The following PDE4D variants were observed in gnomAD, a reference collection of about 807,000 sequenced individuals.
The protein encoded by PDE4D is 3',5'-cyclic-AMP phosphodiesterase 4D.
Under a neutral mutation model 87.4 loss-of-function variants are expected in PDE4D, and 24 were observed. That is an observed-to-expected ratio of 0.27 (90% confidence interval 0.20 to 0.39). PDE4D has a LOEUF of 0.39. Among genes scored for constraint, PDE4D ranks in the 10% least tolerant of loss-of-function variants. The probability of loss-of-function intolerance (pLI) is 1.00; values close to 1 mark genes in which losing one functional copy is unlikely to be tolerated. For missense variants in PDE4D, 714 were observed against 1,041.0 expected (o/e 0.69, Z 4.32); for synonymous variants, 384 against 383.2 (o/e 1.00, Z -0.02).
intron 3 of PDE4D, among the ~76,000 whole-genome samples, chr5:59,957,083 A>G (rs964912424): frequency 1.3e-5 from 2 of 152,224 alleles, no homozygotes; most frequent in Non-Finnish European, 2.9e-5. Context: ...TTTGCTAAAA[A>G]TAACAACATC....
intron 2 of PDE4D, among the ~76,000 whole-genome samples, chr5:60,131,251 C>T (rs1193694320): frequency 2.6e-5 from 4 of 152,118 alleles, no homozygotes; most frequent in Admixed American, 1.3e-4. Context: ...CTTCATGCCA[C>T]GTATTCTAGT....
At chr5:60,510,293 G>C (rs183876026) in intron 1 of PDE4D, among the ~76,000 whole-genome samples, 1 of 152,276 alleles carries the variant, frequency 6.6e-6, no homozygotes, top group East Asian at 1.9e-4. Flanking sequence ...AGACAGGGCA[G>C]GCAGCCCACA....
intron 1 of PDE4D, among the ~76,000 whole-genome samples, chr5:59,817,994 G>T (rs1037918670): frequency 5.3e-5 from 8 of 152,188 alleles, no homozygotes; most frequent in African/African-American, 1.9e-4. Context: ...GTGGAATAAA[G>T]GGGTGGAGAG....
intron 1 of PDE4D, among the ~76,000 whole-genome samples, chr5:59,392,503 C>CTA (rs3061702): frequency 0.022 from 3,007 of 139,234 alleles, 73 homozygotes; most frequent in African/African-American, 0.059. Flanking sequence ...GTGTGTGTGT[C>CTA]TATATATATA....
exon 1 of PDE4D, chr5:59,893,701 GCTGCTGCCGCCGCCGCCGCTTCTGCAGCC>G: frequency 7.2e-7 from 1 of 1,385,092 alleles, no homozygotes; most frequent in Non-Finnish European, 9.3e-7. Context: ...TGCTGCTGCT[GCTGCTGCCGCCGCCGCCGCTTCTGCAGCC>G]CAGCAGAGGC....
chr5:59,630,805 A>C (rs768694704), intron 1 of PDE4D, among the ~76,000 whole-genome samples: 1 of 152,160 alleles, frequency 6.6e-6, no homozygotes, highest in Non-Finnish European at 1.5e-5. Context: ...GGAGGCCTGC[A>C]CGTGTCTGTT....
In PDE4D at chr5:59,774,638, G is replaced by A. The variant is rs139652018; in HGVS notation, c.455+118530C>T. On this transcript the variant is annotated intron_variant, in intron 1 of 14. Transcript: ENST00000340635. ...AGTCATTATTTCACTTGAAAGAAAC[G>A]TTAACATTTTATAGGGCACAACTTA... Among the ~76,000 whole-genome samples the A allele has an allele frequency of 8.6e-3, 1,284 of 149,344 alleles. 21 individuals carry two copies. The highest frequency in any genetic ancestry group is 0.03 in the African/African-American group (1,224 of 40,488).
At chr5:59,189,243 T>TTG (rs1491400145) in intron 3 of PDE4D, among the ~76,000 whole-genome samples, 1 of 61,710 alleles carries the variant, frequency 1.6e-5, no homozygotes, top group Non-Finnish European at 3.2e-5. Flanking sequence ...TTTTTTTTTT[T>TTG]GTTTTTTTTG....
intron 1 of PDE4D, among the ~76,000 whole-genome samples, chr5:60,366,275 G>C (rs1279003740): frequency 2.0e-5 from 3 of 151,846 alleles, no homozygotes; most frequent in Non-Finnish European, 2.9e-5. Context: ...TCTAAGCTAA[G>C]CTCTTTATGT....
At chr5:60,104,187 A>T (rs990594024) in intron 2 of PDE4D, among the ~76,000 whole-genome samples, 2 of 152,240 alleles carry the variant, frequency 1.3e-5, no homozygotes, top group Non-Finnish European at 2.9e-5. Context: ...GGGCTAAAAA[A>T]ACGGCACACC....
At chr5:60,280,335 T>TATAC (rs1215325880) in intron 1 of PDE4D, among the ~76,000 whole-genome samples, 101 of 142,578 alleles carry the variant, frequency 7.1e-4, no homozygotes, top group Admixed American at 2.4e-3. Flanking sequence ...TAAATATATA[T>TATAC]ACACACATAT....
intron 1 of PDE4D, among the ~76,000 whole-genome samples, chr5:59,368,716 G>C (rs1783475186): frequency 6.6e-6 from 1 of 152,150 alleles, no homozygotes. Context: ...CTCAAAACAG[G>C]AGAGAAAATG....
chr5:59,548,667 G>A (rs985958069), intron 1 of PDE4D, among the ~76,000 whole-genome samples: 1 of 152,070 alleles, frequency 6.6e-6, no homozygotes, highest in Admixed American at 6.6e-5. Context: ...TTGATTAGTT[G>A]TTTTTAAAAA....
intron 1 of PDE4D, among the ~76,000 whole-genome samples, chr5:59,311,207 T>C (rs1463929648): frequency 1.3e-5 from 2 of 152,072 alleles, no homozygotes; most frequent in African/African-American, 4.8e-5. Flanking sequence ...CTCACTACTC[T>C]GATCCAAGGT....
Position 59,721,024 on chromosome 5 carries a change from A to C in PDE4D, c.455+172144T>G, listed in dbSNP as rs186626997. 2.6e-4 allele frequency among the ~76,000 whole-genome samples: 39 copies of C among 152,298 alleles called. No individual in the cohort carries two copies. The East Asian group carries it at 5.4e-3, about 21-fold the overall frequency. The stretch of plus-strand genomic sequence containing the variant: ...AGAAACCCAGCAGTTTTAACCTTAA[A>C]GAAACTGTTATAGGAGCAAGGGCCA... On this transcript the variant is annotated intron_variant, in intron 1 of 14. Transcript: ENST00000340635.
intron 1 of PDE4D, among the ~76,000 whole-genome samples, chr5:60,207,852 C>T (rs147697215): frequency 9.3e-4 from 141 of 152,306 alleles, no homozygotes; most frequent in African/African-American, 3.2e-3. Context: ...AGACCTAGGA[C>T]TCTTACTCAT....
At chr5:60,492,697 A>G (rs1416144240), upstream of PDE4D, among the ~76,000 whole-genome samples, 2 of 152,082 alleles carry the variant, frequency 1.3e-5, no homozygotes, top group East Asian at 3.9e-4. Flanking sequence ...AACAATGAGA[A>G]CACTTGGACA....
At chr5:59,315,325 A>G (rs1773495083) in intron 1 of PDE4D, among the ~76,000 whole-genome samples, 1 of 152,126 alleles carries the variant, frequency 6.6e-6, no homozygotes, top group East Asian at 1.9e-4. Context: ...AATTCTACCT[A>G]CCGATGGGAC....
chr5:60,435,354 A>T (rs983759653), intron 1 of PDE4D, among the ~76,000 whole-genome samples: 3 of 152,116 alleles, frequency 2.0e-5, no homozygotes, highest in African/African-American at 7.2e-5. Flanking sequence ...GATAGACACA[A>T]CTTAACATAT....
Sources: allele counts gnomAD v4.1 joint callset (sites outside exome capture counted in the v4.1 genomes callset), GRCh38; gene constraint gnomAD v4.1.1; transcripts MANE v1.5; gene names NCBI Gene and HGNC (gene_info 2026-07-23, HGNC 2026-07-21).